Variants in CUX1 observed in about 807,000 individuals in gnomAD.
CUX1 encodes protein CASP.
Under a neutral mutation model 158.8 loss-of-function variants are expected in CUX1, and 31 were observed. The ratio of observed to expected loss-of-function variants is 0.20; its 90% CI spans 0.15 to 0.26. The LOEUF (loss-of-function observed/expected upper bound fraction) is 0.26. Ranked by LOEUF, CUX1 falls within the 10% of genes least tolerant of loss-of-function variation. The pLI is 1.00. For synonymous variants in CUX1, 879 were observed against 862.1 expected (o/e 1.02, Z -0.34); for missense variants, 1,589 against 2,014.6 (o/e 0.79, Z 4.04).
Position 102,253,914 on chromosome 7 carries a change from C to T in CUX1, c.*4872C>T, listed in dbSNP as rs1357215015. 1.6e-5 allele frequency: 16 copies of T among 985,614 alleles called. No homozygotes were observed. The highest frequency in any genetic ancestry group is 1.9e-5 in the Non-Finnish European group (16 of 830,174). The allele number at this position is 985,614 out of a possible 1,614,324, so 61.1% of individuals were successfully genotyped here. A position where few individuals can be genotyped will look rare whatever the true frequency, so the allele number is the denominator to read the frequency against. On this transcript the variant is annotated 3_prime_UTR_variant, in exon 24 of 24. Coordinates refer to ENST00000292535, the MANE Select transcript of CUX1 (RefSeq NM_181552.4). ...CCAGATGTCCTCCCTCTTCTTCACA[C>T]TCCTCATTGTCCCTTCTACCTCACT...
At chr7:102,107,701 C>T (rs1830505889) in intron 6 of CUX1, among the ~76,000 whole-genome samples, 1 of 152,228 alleles carries the variant, frequency 6.6e-6, no homozygotes, top group African/African-American at 2.4e-5. Flanking sequence ...AGGGAGAAAG[C>T]AGGTCGTGGG....
intron 9 of CUX1, among the ~76,000 whole-genome samples, chr7:102,168,595 G>C (rs1791311047): frequency 7.5e-6 from 1 of 133,920 alleles, no homozygotes; most frequent in Admixed American, 8.8e-5. Flanking sequence ...AGTGAGCCAA[G>C]ATCATGCCAC....
intron 2 of CUX1, among the ~76,000 whole-genome samples, chr7:102,021,121 T>C (rs1328122936): frequency 6.6e-6 from 1 of 152,034 alleles, no homozygotes; most frequent in African/African-American, 2.4e-5. Flanking sequence ...CACCCTGCCC[T>C]AGTGCTCTTG....
chr7:102,048,650 G>A (rs994150159), intron 3 of CUX1, among the ~76,000 whole-genome samples: 6 of 152,108 alleles, frequency 3.9e-5, no homozygotes, highest in Non-Finnish European at 7.4e-5. Flanking sequence ...CCAGCATGGT[G>A]AAACCCCGTC....
intron 2 of CUX1, among the ~76,000 whole-genome samples, chr7:101,962,968 C>T (rs532247902): frequency 1.3e-5 from 2 of 152,264 alleles, no homozygotes; most frequent in Admixed American, 6.5e-5. Context: ...TGATCCTCCT[C>T]CCAAAGTGCT....
chr7:102,242,569 A>G (rs532570635), intron 23 of CUX1, among the ~76,000 whole-genome samples: 1 of 152,272 alleles, frequency 6.6e-6, no homozygotes, highest in South Asian at 2.1e-4. Context: ...TGCAATTCAC[A>G]TCCATTTTAG....
In CUX1 at chr7:101,871,847, G is replaced by A. The variant is rs139648957; in HGVS notation, c.31-44268G>A. Among the ~76,000 whole-genome samples, 1,391 of 152,092 alleles carry A rather than the reference G, an allele frequency of 9.1e-3. 23 individuals carry two copies. Among genetic ancestry groups the A allele is most frequent in the African/African-American group, 0.031 (1,297 of 41,516 alleles). On this transcript the variant is annotated intron_variant, in intron 1 of 23. Coordinates refer to ENST00000292535, the MANE Select transcript of CUX1 (RefSeq NM_181552.4). ...ACCCTGGCCAAGTTGGTGAAACCCC[G>A]TCTCTACTAAAAATTAAAAAATTGA...
At chr7:102,095,921 G>A (rs1334722744) in intron 4 of CUX1, among the ~76,000 whole-genome samples, 2 of 152,222 alleles carry the variant, frequency 1.3e-5, no homozygotes, top group Non-Finnish European at 2.9e-5. Context: ...TTAGGCAGCA[G>A]AAAGAAAACT....
intron 11 of CUX1, among the ~76,000 whole-genome samples, chr7:102,189,362 G>A (rs1368934140): frequency 9.5e-6 from 1 of 105,306 alleles, no homozygotes; most frequent in African/African-American, 3.7e-5. Context: ...TTTTTTTTGG[G>A]TGCGGGGGGG....
chr7:101,989,002 A>AG (rs1477719692), intron 2 of CUX1, among the ~76,000 whole-genome samples: 1 of 137,020 alleles, frequency 7.3e-6, no homozygotes, highest in Non-Finnish European at 1.6e-5. Context: ...TCAAAAAAAA[A>AG]ATAATAATAA....
chr7:102,243,678 A>AAT (rs1491282631), intron 23 of CUX1, among the ~76,000 whole-genome samples: 1 of 128,972 alleles, frequency 7.8e-6, no homozygotes, highest in Non-Finnish European at 1.7e-5. Flanking sequence ...TAATAATAAT[A>AAT]AAATAAATGA....
At chr7:102,273,986 C>T (rs1327880717) in intron 15 of CUX1, among the ~76,000 whole-genome samples, 1 of 152,254 alleles carries the variant, frequency 6.6e-6, no homozygotes, top group Non-Finnish European at 1.5e-5. Context: ...TGATGCATGT[C>T]AAAGCTGAGT....
chr7:102,154,884 T>C (rs566801184), intron 8 of CUX1, among the ~76,000 whole-genome samples: 1 of 152,286 alleles, frequency 6.6e-6, no homozygotes, highest in African/African-American at 2.4e-5. Flanking sequence ...TAGACCCACA[T>C]TCAGTGTCTC....
intron 21 of CUX1, among the ~76,000 whole-genome samples, chr7:102,282,542 A>G (rs1396851199): frequency 2.0e-5 from 3 of 152,080 alleles, no homozygotes; most frequent in Non-Finnish European, 2.9e-5. Context: ...GTCTGGGCCC[A>G]TCTGATCATC....
intron 3 of CUX1, among the ~76,000 whole-genome samples, chr7:102,033,616 A>AT (rs1268792159): frequency 1.3e-5 from 2 of 152,254 alleles, no homozygotes; most frequent in Non-Finnish European, 2.9e-5. Flanking sequence ...ACCAAAATTG[A>AT]TTAAAGAAGA....
intron 2 of CUX1, among the ~76,000 whole-genome samples, chr7:101,952,626 C>T (rs530536779): frequency 2.6e-5 from 4 of 152,268 alleles, no homozygotes; most frequent in African/African-American, 7.2e-5. Context: ...GTACTGATGC[C>T]GAACCACCTG....
chr7:102,034,002 C>T (rs1350960660), intron 3 of CUX1, among the ~76,000 whole-genome samples: 6 of 151,424 alleles, frequency 4.0e-5, no homozygotes, highest in South Asian at 2.1e-4. Flanking sequence ...AAAAATTAGC[C>T]GGGAGTGGTG....
intron 2 of CUX1, among the ~76,000 whole-genome samples, chr7:102,014,524 C>T (rs1168219212): frequency 6.6e-6 from 1 of 152,200 alleles, no homozygotes; most frequent in Non-Finnish European, 1.5e-5. Context: ...CTTGAATGGA[C>T]TTTCTTGGCT....
At chr7:102,205,239 G>C (rs1259564295) in intron 20 of CUX1, 69 bp downstream of exon 20, 2 of 1,209,776 alleles carry the variant, frequency 1.7e-6, no homozygotes, top group Non-Finnish European at 2.5e-6. Context: ...CCGTGCTGTG[G>C]TCTGTCCCGG....
Sources: allele counts gnomAD v4.1 joint callset (sites outside exome capture counted in the v4.1 genomes callset), GRCh38; gene constraint gnomAD v4.1.1; transcripts MANE v1.5; gene names NCBI Gene and HGNC (gene_info 2026-07-23, HGNC 2026-07-21).